Variants in TRPM8 observed in about 807,000 individuals in gnomAD.
TRPM8 encodes the protein TRPM8 cationic channel.
Under a neutral mutation model 133.7 loss-of-function variants are expected in TRPM8, and 110 were observed. The ratio of observed to expected loss-of-function variants is 0.82; its 90% confidence interval spans 0.70 to 0.96. The LOEUF (loss-of-function observed/expected upper bound fraction) is 0.96, where lower values mean the gene tolerates loss of function less well. TRPM8 is among the 40% of genes least tolerant of loss of function. The pLI, the probability that TRPM8 is intolerant of heterozygous loss-of-function variation, is 0.00. For missense variants in TRPM8, 1,291 were observed against 1,379.5 expected (o/e 0.94, Z 1.02); for synonymous variants, 535 against 532.3 (o/e 1.01, Z -0.07).
intron 15 of TRPM8, among the ~76,000 whole-genome samples, chr2:233,967,834 G>T (rs755892977): frequency 1.3e-5 from 2 of 152,020 alleles, no homozygotes; most frequent in Non-Finnish European, 2.9e-5. Context: ...TCCCAGGTGG[G>T]TCACACTCTA....
chr2:233,984,287 A>T (rs1167545059), intron 20 of TRPM8, among the ~76,000 whole-genome samples: 1 of 152,062 alleles, frequency 6.6e-6, no homozygotes, highest in Non-Finnish European at 1.5e-5. Flanking sequence ...TCAGATGAGG[A>T]TCTCTGGCAC....
intron 11 of TRPM8, among the ~76,000 whole-genome samples, chr2:233,957,565 C>A (rs1305247257): frequency 6.6e-6 from 1 of 152,046 alleles, no homozygotes; most frequent in Non-Finnish European, 1.5e-5. Flanking sequence ...CTTAGAATTA[C>A]ATAGATTTTA....
At chr2:233,991,495 C>G (rs1692276294) in intron 21 of TRPM8, among the ~76,000 whole-genome samples, 1 of 152,188 alleles carries the variant, frequency 6.6e-6, no homozygotes, top group African/African-American at 2.4e-5. Context: ...GCAGTACTGG[C>G]TAGATACTGC....
intron 13 of TRPM8, among the ~76,000 whole-genome samples, chr2:233,964,011 C>G (rs989708745): frequency 1.3e-5 from 2 of 152,066 alleles, no homozygotes; most frequent in African/African-American, 4.8e-5. Flanking sequence ...TATGGTAATT[C>G]TATGTTCAAG....
At chr2:233,972,355 A>T (rs980013779) in intron 17 of TRPM8, among the ~76,000 whole-genome samples, 1 of 152,266 alleles carries the variant, frequency 6.6e-6, no homozygotes, top group African/African-American at 2.4e-5. Flanking sequence ...CTTGGGCTAG[A>T]CATAAAGTTT....
chr2:234,001,707 G>A (rs1310123073), intron 22 of TRPM8, among the ~76,000 whole-genome samples: 1 of 152,224 alleles, frequency 6.6e-6, no homozygotes, highest in Non-Finnish European at 1.5e-5. Context: ...CTTGCAGGAG[G>A]GGGTCAGTCC....
chr2:234,014,480 A>C (rs3732214), intron 24 of TRPM8, 82 bp from the exon 25 acceptor site: 95,931 of 789,710 alleles, frequency 0.12, 7,235 homozygotes, highest in African/African-American at 0.29. Context: ...TCTGTTTCTT[A>C]GAAAAGGCAC....
At chr2:233,963,421 TTGTTA>T in intron 13 of TRPM8, 44 bp downstream of exon 13, 1 of 1,236,628 alleles carries the variant, frequency 8.1e-7, no homozygotes, top group Non-Finnish European at 1.2e-6. Flanking sequence ...AATATATGCT[TTGTTA>T]TAACAGTTCT....
At chr2:233,972,906 A>T (rs2125238043) in intron 17 of TRPM8, among the ~76,000 whole-genome samples, 1 of 152,300 alleles carries the variant, frequency 6.6e-6, no homozygotes, top group South Asian at 2.1e-4. Context: ...CAGCCCAGAA[A>T]GGGGCTCCCA....
intron 16 of TRPM8, 62 bp downstream of exon 16, chr2:233,969,869 C>T: frequency 1.0e-6 from 1 of 988,142 alleles, no homozygotes; most frequent in South Asian, 1.3e-5. Flanking sequence ...CATGCATCCA[C>T]ATATGTGTGC....
At chr2:233,969,931 C>T in intron 16 of TRPM8, 124 bp downstream of exon 16, 1 of 779,996 alleles carries the variant, frequency 1.3e-6, no homozygotes, top group Non-Finnish European at 2.2e-6. Context: ...ACATTGTTGC[C>T]TATGAATTTG....
At chr2:233,980,350 AT>A in intron 18 of TRPM8, 71 bp downstream of exon 18, 1 of 1,026,358 alleles carries the variant, frequency 9.7e-7, no homozygotes, top group Non-Finnish European at 1.4e-6. Flanking sequence ...CTCTGCAGAC[AT>A]TTCAAACCCA....
intron 1 of TRPM8, among the ~76,000 whole-genome samples, chr2:233,925,056 G>A (rs1691487167): frequency 6.6e-6 from 1 of 152,216 alleles, no homozygotes; most frequent in Non-Finnish European, 1.5e-5. Context: ...GGATGGAGGA[G>A]TCATGGCCCC....
At chr2:233,920,855 ATTTTTTT>A (rs10685994) in intron 1 of TRPM8, among the ~76,000 whole-genome samples, 4 of 129,292 alleles carry the variant, frequency 3.1e-5, no homozygotes, top group Admixed American at 2.4e-4. Flanking sequence ...AGATTTCACC[ATTTTTTT>A]TTTTTTTTTT....
At chr2:233,997,749 C>G (rs1436725200) in intron 22 of TRPM8, among the ~76,000 whole-genome samples, 1 of 152,072 alleles carries the variant, frequency 6.6e-6, no homozygotes, top group Non-Finnish European at 1.5e-5. Context: ...GCCATCAACC[C>G]AACGCATCCA....
intron 1 of TRPM8, among the ~76,000 whole-genome samples, chr2:233,919,473 G>A (rs1559513187): frequency 6.6e-6 from 1 of 152,032 alleles, no homozygotes; most frequent in East Asian, 1.9e-4. Flanking sequence ...CAGCCTGCTT[G>A]ATTTTGAATT....
At position 233,975,370 on chromosome 2, in the gene TRPM8, C is replaced by T. The variant is rs147453193; in HGVS notation, c.2356-4818C>T. ...GAGAGGAACCCTGCCCACAGCCCCA[C>T]AGCCAGGAGCTCAAGGGTGTTCTCT... On this transcript the variant is annotated intron_variant, in intron 17 of 25. Coordinates refer to ENST00000324695, the MANE Select transcript of TRPM8 (RefSeq NM_024080.5). Among the ~76,000 whole-genome samples the T allele has an allele frequency of 1.9e-4, 29 of 152,314 alleles. No homozygotes were observed. The East Asian group carries it at 5.6e-3, about 29-fold the overall frequency.
At chr2:234,007,159 T>C (rs975093785) in intron 23 of TRPM8, among the ~76,000 whole-genome samples, 2 of 152,170 alleles carry the variant, frequency 1.3e-5, no homozygotes, top group African/African-American at 4.8e-5. Flanking sequence ...ACCCACCTAC[T>C]ATCCCAATTG....
chr2:233,997,493 G>A (rs929023923), intron 22 of TRPM8, among the ~76,000 whole-genome samples: 2 of 152,236 alleles, frequency 1.3e-5, no homozygotes, highest in East Asian at 3.9e-4. Context: ...ATGGGAAGGG[G>A]AGCTGAAAGC....
Sources: allele counts gnomAD v4.1 joint callset (sites outside exome capture counted in the v4.1 genomes callset), GRCh38; gene constraint gnomAD v4.1.1; transcripts MANE v1.5; gene names NCBI Gene and HGNC (gene_info 2026-07-23, HGNC 2026-07-21).